Variants in ADARB2 observed in about 807,000 individuals in gnomAD.
ADARB2 encodes the protein adenosine deaminase RNA specific B2 (inactive), also known as inactive double-stranded RNA-specific editase B2.
A neutral mutation model predicts 62.2 loss-of-function variants in ADARB2; 25 were observed. That is an observed-to-expected ratio of 0.40 (90% confidence interval 0.29 to 0.56). ADARB2 has a LOEUF of 0.56. ADARB2 is among the 20% of genes least tolerant of loss of function. The probability of loss-of-function intolerance (pLI) is 0.43; values close to 1 mark genes in which losing one functional copy is unlikely to be tolerated. For missense variants in ADARB2, 1,071 were observed against 1,077.4 expected (o/e 0.99, Z 0.08); for synonymous variants, 572 against 500.8 (o/e 1.14, Z -1.90).
intron 3 of ADARB2, among the ~76,000 whole-genome samples, chr10:1,279,626 T>C (rs1295386134): frequency 2.6e-5 from 4 of 152,216 alleles, no homozygotes; most frequent in Non-Finnish European, 4.4e-5. Flanking sequence ...TGTGGGGTCA[T>C]CTTTAATAAG....
intron 1 of ADARB2, among the ~76,000 whole-genome samples, chr10:1,504,003 G>A (rs1831802093): frequency 6.6e-6 from 1 of 152,194 alleles, no homozygotes; most frequent in East Asian, 1.9e-4. Flanking sequence ...AGCAATGCAA[G>A]AATGGCTTAA....
chr10:1,525,998 T>C (rs1320717795), intron 1 of ADARB2, among the ~76,000 whole-genome samples: 2 of 152,218 alleles, frequency 1.3e-5, no homozygotes, highest in Admixed American at 6.5e-5. Flanking sequence ...TATGTGCATG[T>C]GCATGTATGC....
chr10:1,612,489 CT>C (rs1241014750), intron 1 of ADARB2, among the ~76,000 whole-genome samples: 14 of 152,228 alleles, frequency 9.2e-5, no homozygotes, highest in Non-Finnish European at 1.9e-4. Context: ...AGCAATTGTT[CT>C]GTAGATAGTA....
In ADARB2 at chr10:1,259,891, A is replaced by G. The variant is rs1170875554; in HGVS notation, c.1192+11064T>C. On this transcript the variant is annotated intron_variant, in intron 4 of 9. Coordinates refer to ENST00000381312, the MANE Select transcript of ADARB2 (RefSeq NM_018702.4). ...AATATCCTTGATGAGCATTGATGCAAAAATCCTCAATAAAATATGGGCAAA... is the reference window on the plus strand; with the variant it reads ...AATATCCTTGATGAGCATTGATGCAGAAATCCTCAATAAAATATGGGCAAA... Among the ~76,000 whole-genome samples the G allele has an allele frequency of 2.6e-5, 4 of 152,354 alleles. No homozygotes were observed. The East Asian group carries it at 5.8e-4, about 22-fold the overall frequency.
intron 1 of ADARB2, among the ~76,000 whole-genome samples, chr10:1,728,618 C>T (rs376009926): frequency 6.6e-6 from 1 of 152,268 alleles, no homozygotes; most frequent in East Asian, 1.9e-4. Flanking sequence ...GATTTAACTT[C>T]CCTGAAGCAA....
At chr10:1,695,873 C>T (rs773998774) in intron 1 of ADARB2, among the ~76,000 whole-genome samples, 5 of 151,788 alleles carry the variant, frequency 3.3e-5, no homozygotes, top group Admixed American at 6.6e-5. Flanking sequence ...CACACACATG[C>T]ATGAGGACAC....
In ADARB2 at chr10:1,233,978, C is replaced by CTTTTTTTTTTTTTTTTTTTTT. The variant is rs1589160330; in HGVS notation, c.1362-134_1362-133insAAAAAAAAAAAAAAAAAAAAA. On this transcript the variant is annotated intron_variant, in intron 5 of 9. Transcript: ENST00000381312. ...CTTTATATTTTTCCTTTTTTTTTTC[C>CTTTTTTTTTTTTTTTTTTTTT]TTTTTTTTTTGAGACGGAGTCTTGT... 1.6e-5 allele frequency: 7 copies of CTTTTTTTTTTTTTTTTTTTTT among 433,412 alleles called. 3 individuals are homozygous for CTTTTTTTTTTTTTTTTTTTTT. The highest frequency in any genetic ancestry group is 1.4e-4 in the African/African-American group (4 of 27,728). 26.8% of individuals were successfully genotyped at this position (433,412 alleles called of 1,614,324 possible).
At chr10:1,672,083 G>A (rs1028744336) in intron 1 of ADARB2, among the ~76,000 whole-genome samples, 4 of 137,844 alleles carry the variant, frequency 2.9e-5, no homozygotes, top group East Asian at 2.5e-4. Flanking sequence ...GAGAGTCAGT[G>A]TGTGAGGTGG....
rs747020374 is a variant in ADARB2, at chr10:1,295,546, G to A, written c.1078-24477C>T. Among the ~76,000 whole-genome samples, 5 of 152,072 alleles carry A rather than the reference G, an allele frequency of 3.3e-5. No homozygotes were observed. In the East Asian group the frequency reaches 7.7e-4, roughly 23 times the overall value. ...GGAGGACAAGAGGACCCTGAGTGCC[G>A]CTCTCTCTGGTGGTGGGAGTCTGGG... On this transcript the variant is annotated intron_variant, in intron 3 of 9. Transcript: ENST00000381312.
chr10:1,198,151 A>G (rs1181029334), intron 8 of ADARB2, among the ~76,000 whole-genome samples: 1 of 152,224 alleles, frequency 6.6e-6, no homozygotes, highest in East Asian at 1.9e-4. Flanking sequence ...TTTTTCAAGT[A>G]TATCCTTCAA....
chr10:1,609,034 G>C (rs1833533367), intron 1 of ADARB2, among the ~76,000 whole-genome samples: 1 of 152,156 alleles, frequency 6.6e-6, no homozygotes, highest in South Asian at 2.1e-4. Flanking sequence ...TAGAAAGAAG[G>C]ACCCGAAACG....
intron 1 of ADARB2, among the ~76,000 whole-genome samples, chr10:1,399,527 C>T (rs370073035): frequency 2.6e-5 from 4 of 152,104 alleles, no homozygotes; most frequent in East Asian, 1.9e-4. Flanking sequence ...GCAGGGTCCC[C>T]GGCCTGGTGC....
At chr10:1,665,898 G>A (rs896351049) in intron 1 of ADARB2, among the ~76,000 whole-genome samples, 2 of 152,206 alleles carry the variant, frequency 1.3e-5, no homozygotes, top group African/African-American at 4.8e-5. Context: ...GTAAATGAGG[G>A]TGCGGCACGG....
chr10:1,473,785 G>A (rs1034390161), intron 1 of ADARB2, among the ~76,000 whole-genome samples: 6 of 152,228 alleles, frequency 3.9e-5, no homozygotes, highest in Non-Finnish European at 7.3e-5. Flanking sequence ...CTGGAAATCT[G>A]GGATAAGGAG....
Position 1,305,372 on chromosome 10 carries a change from T to C in ADARB2, c.1078-34303A>G, listed in dbSNP as rs1266538284. Among the ~76,000 whole-genome samples the C allele has an allele frequency of 5.3e-5, 8 of 152,164 alleles. No homozygotes were observed. The East Asian group carries it at 1.6e-3, about 30-fold the overall frequency. On this transcript the variant is annotated intron_variant, in intron 3 of 9. Coordinates refer to ENST00000381312, the MANE Select transcript of ADARB2 (RefSeq NM_018702.4). ...ACCAGGAAGAAGTTGAATCTCTGAA[T>C]AGACCAGTAACAGGATCTGAAATTG...
intron 6 of ADARB2, among the ~76,000 whole-genome samples, chr10:1,229,862 G>A (rs4880797): frequency 0.18 from 27,861 of 151,494 alleles, 3,188 homozygotes; most frequent in Non-Finnish European, 0.26. Context: ...GTGTGTGTGT[G>A]TGTGTGGGTA....
At chr10:1,567,620 C>T (rs775791169) in intron 1 of ADARB2, among the ~76,000 whole-genome samples, 8 of 152,194 alleles carry the variant, frequency 5.3e-5, no homozygotes, top group East Asian at 1.9e-4. Context: ...ATGGAGGCTT[C>T]GTGCTTGTGC....
intron 5 of ADARB2, among the ~76,000 whole-genome samples, chr10:1,234,235 C>T (rs1158845201): frequency 6.6e-6 from 1 of 152,050 alleles, no homozygotes. Flanking sequence ...GTGATCCACC[C>T]ACCTCAGTCT....
intron 1 of ADARB2, among the ~76,000 whole-genome samples, chr10:1,495,974 A>G (rs1345490578): frequency 6.6e-6 from 1 of 151,862 alleles, no homozygotes; most frequent in East Asian, 1.9e-4. Context: ...CATCATTGCC[A>G]TGATTATCAT....
Sources: allele counts gnomAD v4.1 joint callset (sites outside exome capture counted in the v4.1 genomes callset), GRCh38; gene constraint gnomAD v4.1.1; transcripts MANE v1.5; gene names NCBI Gene and HGNC (gene_info 2026-07-23, HGNC 2026-07-21).